ZFAT: variants seen among roughly 807,000 people sequenced by gnomAD.
ZFAT encodes the protein zinc finger and AT-hook domain containing.
In ZFAT, 64 loss-of-function variants were observed where a neutral mutation model predicts 117.7. That is an observed-to-expected ratio of 0.54 (90% CI 0.44 to 0.67). The LOEUF is 0.67. Among genes scored for constraint, ZFAT ranks in the 30% least tolerant of loss-of-function variants. ZFAT has a pLI of 0.00. For missense variants in ZFAT, 1,433 were observed against 1,584.5 expected (o/e 0.90, Z 1.62); for synonymous variants, 679 against 615.0 (o/e 1.10, Z -1.54).
At chr8:134,517,166 T>C (rs1166088946) in intron 13 of ZFAT, among the ~76,000 whole-genome samples, 1 of 152,214 alleles carries the variant, frequency 6.6e-6, no homozygotes, top group Non-Finnish European at 1.5e-5. Flanking sequence ...TCTCTTGAAA[T>C]TGTTCCTCTC....
At chr8:134,533,259 T>G (rs1234520498) in intron 11 of ZFAT, among the ~76,000 whole-genome samples, 1 of 152,234 alleles carries the variant, frequency 6.6e-6, no homozygotes, top group East Asian at 1.9e-4. Flanking sequence ...AATTTAGTTT[T>G]TGTTCAAGAA....
At chr8:134,802,485 G>C in the ZFAT span, among the ~76,000 whole-genome samples, 1 of 152,174 alleles carries the variant, frequency 6.6e-6, no homozygotes, top group Non-Finnish European at 1.5e-5. Flanking sequence ...GAGGTGTGGA[G>C]ATCAATGAGA....
chr8:134,578,437 G>T lies in ZFAT; in HGVS notation c.2887+5395C>A, dbSNP rs1488186804. On this transcript the variant is annotated intron_variant, in intron 10 of 15. Coordinates refer to ENST00000377838, the MANE Select transcript of ZFAT (RefSeq NM_020863.4). ...AAAAAAAAAAAAAAAAAAAAGGAAT[G>T]AATACAATATGTGTGGAGAGATGCT... Among the ~76,000 whole-genome samples the T allele has an allele frequency of 2.1e-5, 3 of 145,510 alleles. No individual in the cohort carries two copies. The East Asian group carries it at 6.2e-4, about 30-fold the overall frequency.
chr8:134,813,540 G>A, the ZFAT span, among the ~76,000 whole-genome samples: 3 of 152,272 alleles, frequency 2.0e-5, no homozygotes, highest in East Asian at 1.9e-4. Flanking sequence ...AGCCTCCCAG[G>A]TAGCTAGGAT....
intron 11 of ZFAT, among the ~76,000 whole-genome samples, chr8:134,537,748 C>T (rs1292277705): frequency 2.0e-5 from 3 of 151,838 alleles, no homozygotes; most frequent in African/African-American, 4.8e-5. Flanking sequence ...GTGGTATGGA[C>T]GAGAGATGCT....
chr8:134,586,681 C>T (rs1166661164), intron 9 of ZFAT, among the ~76,000 whole-genome samples: 2 of 152,246 alleles, frequency 1.3e-5, no homozygotes, highest in Admixed American at 6.5e-5. Flanking sequence ...ATGCCTTCAA[C>T]TTCATAACAA....
the ZFAT span, among the ~76,000 whole-genome samples, chr8:134,774,516 T>C: frequency 1.3e-5 from 2 of 152,232 alleles, no homozygotes; most frequent in Middle Eastern, 3.2e-3. Flanking sequence ...AAAATGATTA[T>C]GACTTCTGAA....
At chr8:134,565,509 A>G (rs775129160) in intron 10 of ZFAT, 88 bp from the exon 11 acceptor site, 1 of 1,232,510 alleles carries the variant, frequency 8.1e-7, no homozygotes, top group Non-Finnish European at 1.2e-6. Flanking sequence ...CAGGTACACA[A>G]AGGTGTTCCT....
At chr8:134,703,411 G>A (rs1834067496) in intron 1 of ZFAT, among the ~76,000 whole-genome samples, 1 of 152,234 alleles carries the variant, frequency 6.6e-6, no homozygotes, top group Admixed American at 6.5e-5. Flanking sequence ...CCTAATTCCT[G>A]GGAGTACCAT....
At chr8:134,756,085 C>T in the ZFAT span, among the ~76,000 whole-genome samples, 1 of 152,136 alleles carries the variant, frequency 6.6e-6, no homozygotes, top group Non-Finnish European at 1.5e-5. Context: ...GGGCTCTTTC[C>T]CTACCAGTCC....
intron 15 of ZFAT, among the ~76,000 whole-genome samples, chr8:134,487,117 G>A (rs529386158): frequency 6.6e-6 from 1 of 152,274 alleles, no homozygotes; most frequent in East Asian, 1.9e-4. Flanking sequence ...ACATGGATGT[G>A]ATATGTGTGT....
At chr8:134,639,354 C>G (rs1333713211) in intron 2 of ZFAT, among the ~76,000 whole-genome samples, 2 of 152,212 alleles carry the variant, frequency 1.3e-5, no homozygotes, top group Non-Finnish European at 2.9e-5. Context: ...ACTGCAACGC[C>G]ACTGGTGAGT....
chr8:134,580,469 A>T lies in ZFAT; in HGVS notation c.2887+3363T>A, dbSNP rs558095501. The stretch of plus-strand genomic sequence containing the variant: ...AATGGATTCAAAGCATGTTACAGAC[A>T]TCCTCAAAGAGCTCACAAGGTCATC... On this transcript the variant is annotated intron_variant, in intron 10 of 15. Transcript: ENST00000377838. 9.2e-5 allele frequency among the ~76,000 whole-genome samples: 14 copies of T among 152,360 alleles called. No individual in the cohort carries two copies. In the East Asian group the frequency reaches 2.3e-3, roughly 25 times the overall value.
At position 134,601,821 on chromosome 8, in the gene ZFAT, A is replaced by T; in HGVS notation, c.1898T>A (p.Leu633Gln). ...SVQTQGEVIT[L>Q]LLSKAQSAGS... Reference sequence around the variant, plus strand: ...AGCACTCTGGGCCTTGGACAGCAGTAGTGTGATCACTTCACCTTGCGTCTG... The same window carrying T: ...AGCACTCTGGGCCTTGGACAGCAGTTGTGTGATCACTTCACCTTGCGTCTG... The change falls in exon 6 of 16, where the codon CTA becomes CAA. Residue 633 changes from leucine to glutamine, a missense_variant. This residue lies in a region of ZFAT where 372 missense variants were observed against 355.6 expected (regional missense o/e 1.05). Transcript: ENST00000377838. The T allele has an allele frequency of 6.2e-7, 1 of 1,613,690 alleles. No individual in the cohort carries two copies. Among genetic ancestry groups the T allele is most frequent in the Non-Finnish European group, 8.5e-7 (1 of 1,179,772 alleles).
the ZFAT span, among the ~76,000 whole-genome samples, chr8:134,812,408 G>T: frequency 1.3e-5 from 2 of 152,244 alleles, no homozygotes; most frequent in South Asian, 4.1e-4. Context: ...CTCTCTGAGA[G>T]AACTTAACTA....
the ZFAT span, among the ~76,000 whole-genome samples, chr8:134,729,267 G>A: frequency 6.6e-6 from 1 of 152,190 alleles, no homozygotes; most frequent in East Asian, 1.9e-4. Context: ...AGGCTCCTCT[G>A]TAAAATTGGG....
At chr8:134,559,434 C>T (rs74842683) in intron 11 of ZFAT, among the ~76,000 whole-genome samples, 240 of 152,336 alleles carry the variant, frequency 1.6e-3, no homozygotes, top group African/African-American at 5.5e-3. Flanking sequence ...TGTTTGTGTG[C>T]CCCATTGCCT....
chr8:134,600,415 C>A, intron 7 of ZFAT, 21 bp downstream of exon 7: 1 of 1,606,698 alleles, frequency 6.2e-7, no homozygotes, highest in Non-Finnish European at 8.5e-7. Context: ...GACGGGGCTG[C>A]CGCTTGGGCT....
the ZFAT span, among the ~76,000 whole-genome samples, chr8:134,821,772 T>G: frequency 6.6e-6 from 1 of 152,148 alleles, no homozygotes; most frequent in South Asian, 2.1e-4. Context: ...AAAACATGGT[T>G]AGAAATGCAC....
Sources: gnomAD v4.1 joint callset for allele counts (sites outside exome capture counted in the v4.1 genomes callset) on GRCh38, gnomAD v4.1.1 for gene constraint, gnomAD v4.1.1 regional missense constraint, MANE v1.5 for transcripts, NCBI Gene and HGNC (gene_info 2026-07-23, HGNC 2026-07-21) for gene names.